Variants in BDP1 observed in about 807,000 individuals in gnomAD.
BDP1 encodes the protein BDP1 general transcription factor IIIB subunit, also known as transcription factor TFIIIB component B'' homolog.
In BDP1, 169 loss-of-function variants were observed where a neutral mutation model predicts 266.6. That is an observed-to-expected ratio of 0.63 (90% CI 0.56 to 0.72). BDP1 has a LOEUF of 0.72. Ranked by LOEUF, BDP1 falls within the 30% of genes least tolerant of loss-of-function variation. The pLI is 0.00. For missense variants in BDP1, 3,015 were observed against 3,053.8 expected (o/e 0.99, Z 0.30); for synonymous variants, 1,090 against 1,022.4 (o/e 1.07, Z -1.26).
intron 34 of BDP1, 32 bp downstream of exon 34, chr5:71,549,638 A>T: frequency 6.4e-7 from 1 of 1,553,644 alleles, no homozygotes; most frequent in Non-Finnish European, 8.7e-7. Context: ...TTTTGCTAGG[A>T]GGAAAAGTGA....
At chr5:71,543,113 C>T (rs1173854119) in intron 30 of BDP1, among the ~76,000 whole-genome samples, 1 of 152,088 alleles carries the variant, frequency 6.6e-6, no homozygotes, top group Non-Finnish European at 1.5e-5. Context: ...AAAATCCCAT[C>T]TCTACAAAAG....
intron 7 of BDP1, among the ~76,000 whole-genome samples, chr5:71,481,225 A>T (rs1391466665): frequency 6.6e-6 from 1 of 151,050 alleles, no homozygotes; most frequent in Non-Finnish European, 1.5e-5. Flanking sequence ...TGTGTTGTAG[A>T]GTGTCTGGAT....
At chr5:71,554,782 T>C (rs1291360112) in intron 35 of BDP1, among the ~76,000 whole-genome samples, 1 of 152,208 alleles carries the variant, frequency 6.6e-6, no homozygotes, top group Admixed American at 6.5e-5. Context: ...TAAAAATTGC[T>C]TTTACTAGTT....
intron 12 of BDP1, among the ~76,000 whole-genome samples, chr5:71,496,213 G>T (rs1002107873): frequency 1.4e-5 from 2 of 144,566 alleles, no homozygotes; most frequent in African/African-American, 5.2e-5. Flanking sequence ...CTGCACTCCA[G>T]CCTGGGCGAC....
Position 71,510,204 on chromosome 5 carries a change from G to C in BDP1, c.3112G>C (p.Glu1038Gln). The part of the protein sequence containing the change: ...VIDATEEIDL[E>Q]ETEREVSPQE... ...TGATGCTACTGAGGAAATAGATTTG[G>C]AAGAAACTGAAAGAGAAGTATCCCC... The change falls in exon 17 of 39, where the codon GAA becomes CAA. Residue 1038 changes from glutamate to glutamine, a missense_variant. This residue lies in a region of BDP1 where 2,383 missense variants were observed against 2,404.9 expected (regional missense o/e 0.99). Transcript: ENST00000358731. 1 of 1,613,962 alleles carries C rather than the reference G, an allele frequency of 6.2e-7. No homozygotes were observed. The highest frequency in any genetic ancestry group is 8.5e-7 in the Non-Finnish European group (1 of 1,179,970).
At position 71,513,372 on chromosome 5, in the gene BDP1, A is replaced by C. The variant is rs781411956; in HGVS notation, c.4435A>C (p.Asn1479His). The stretch of plus-strand genomic sequence containing the variant: ...AATGGAGACTATTGTGATGCAAGAA[A>C]ATAATGAACAAACTGATACTCTCCC... ...KKMETIVMQE[N>H]NEQTDTLPSQ... is the part of the protein sequence containing the mutation. Residue 1479 changes from asparagine to histidine, a missense_variant, in exon 19 of 39, where the codon AAT becomes CAT. Asn to His is a moderately conservative substitution (Grantham distance 68, BLOSUM62 1). Transcript: ENST00000358731. 2.5e-6 allele frequency: 4 copies of C among 1,595,700 alleles called. No homozygotes were observed. In the South Asian group the frequency reaches 4.6e-5, roughly 18 times the overall value.
intron 4 of BDP1, among the ~76,000 whole-genome samples, chr5:71,464,843 C>T (rs1008602915): frequency 6.0e-5 from 9 of 150,736 alleles, no homozygotes; most frequent in Admixed American, 1.3e-4. Flanking sequence ...CTCAGCCTCC[C>T]GAGCAGCTGG....
chr5:71,493,178 G>C lies in BDP1; in HGVS notation c.1640+2047G>C, dbSNP rs146175436. Among the ~76,000 whole-genome samples the C allele has an allele frequency of 3.5e-3, 526 of 152,332 alleles. 3 individuals carry two copies. The highest frequency in any genetic ancestry group is 0.012 in the African/African-American group (496 of 41,574). The stretch of plus-strand genomic sequence containing the variant: ...CATAGTTGTTTGTTCCTAGGTGACA[G>C]ATAATCTAAAGTGTGAGTTCAGAGA... On this transcript the variant is annotated intron_variant, in intron 11 of 38. Transcript: ENST00000358731.
intron 35 of BDP1, among the ~76,000 whole-genome samples, chr5:71,555,203 G>A (rs1382628292): frequency 2.0e-5 from 3 of 152,078 alleles, no homozygotes; most frequent in Non-Finnish European, 1.5e-5. Context: ...GATTTGTTGC[G>A]AATTTGATTT....
In BDP1 at chr5:71,489,665, A is replaced by T; in HGVS notation, c.1475A>T (p.Lys492Ile). 1 of 1,606,756 alleles carries T rather than the reference A, an allele frequency of 6.2e-7. No homozygotes were observed. The highest frequency in any genetic ancestry group is 2.2e-5 in the East Asian group (1 of 44,842). ...GCCACTGTTCAGGCGGGTCCTTCTA[A>T]AGGAGAAAAACACAAGAGTAAGTTT... is the stretch of plus-strand genomic sequence containing the variant. Reference protein sequence around the residue: ...ENATVQAGPSKGEKHKNKCQA... With the variant: ...ENATVQAGPSIGEKHKNKCQA... Residue 492 changes from lysine (K) to isoleucine (I), a missense_variant, in exon 10 of 39, where the codon AAA becomes ATA. By Grantham distance (102) the Lys-to-Ile change is moderately radical (BLOSUM62 -3). Around this residue, in one of 3 missense-constraint regions of BDP1, gnomAD observed 2,383 missense variants for 2,404.9 expected, o/e 0.99. Transcript: ENST00000358731.
At chr5:71,562,147 G>A (rs1385025251) in intron 37 of BDP1, 127 bp from the exon 38 acceptor site, 11 of 837,928 alleles carry the variant, frequency 1.3e-5, no homozygotes, top group South Asian at 3.9e-5. Context: ...GCAGTGAGCC[G>A]AGATTGCGCC....
intron 5 of BDP1, among the ~76,000 whole-genome samples, chr5:71,466,567 C>T (rs185611799): frequency 3.9e-5 from 6 of 152,156 alleles, no homozygotes; most frequent in Admixed American, 2.6e-4. Context: ...TATTCAAGTT[C>T]TCATATTATT....
At chr5:71,536,566 G>A (rs536062434) in intron 26 of BDP1, among the ~76,000 whole-genome samples, 102 of 152,248 alleles carry the variant, frequency 6.7e-4, no homozygotes, top group African/African-American at 2.3e-3. Context: ...GCCCAGGCGC[G>A]GTGGCTCATG....
chr5:71,486,956 T>C (rs1431285856), intron 9 of BDP1, among the ~76,000 whole-genome samples: 1 of 152,162 alleles, frequency 6.6e-6, no homozygotes, highest in African/African-American at 2.4e-5. Context: ...ACAAATCTGG[T>C]ATAAAATTCT....
At position 71,502,856 on chromosome 5, in the gene BDP1, C is replaced by A. The variant is rs1383256111; in HGVS notation, c.2241+65C>A. ...GTACATGAGCCTTAATATAAGCTTC[C>A]CTTCACCCACATACTTACATACATA... On this transcript the variant is annotated intron_variant, in intron 15 of 38. Transcript: ENST00000358731. 6 of 1,211,212 alleles carry A rather than the reference C, an allele frequency of 5.0e-6. No homozygotes were observed. The East Asian group carries it at 1.2e-4, about 24-fold the overall frequency. 75.0% of individuals were successfully genotyped at this position (1,211,212 alleles called of 1,614,324 possible). A position where few individuals can be genotyped will look rare whatever the true frequency, so the allele number is the denominator to read the frequency against.
chr5:71,482,530 A>T (rs532639724), intron 7 of BDP1, among the ~76,000 whole-genome samples: 1 of 152,176 alleles, frequency 6.6e-6, no homozygotes, highest in Non-Finnish European at 1.5e-5. Context: ...AAATTATGGG[A>T]TTTATTTTGT....
At position 71,540,391 on chromosome 5, in the gene BDP1, G is replaced by A. The variant is rs866335290; in HGVS notation, c.6022+742G>A. ...CACCCAGGCTGGAGTGCAATGGTGC[G>A]ATCTTGGCTCACTGCAACCTCTGCC... On this transcript the variant is annotated intron_variant, in intron 28 of 38. Coordinates refer to ENST00000358731, the MANE Select transcript of BDP1 (RefSeq NM_018429.3). Among the ~76,000 whole-genome samples the A allele has an allele frequency of 6.6e-5, 10 of 152,168 alleles. No individual in the cohort carries two copies. The South Asian group carries it at 1.9e-3, about 28-fold the overall frequency.
intron 32 of BDP1, 81 bp downstream of exon 32, chr5:71,545,300 T>A: frequency 4.9e-6 from 6 of 1,223,104 alleles, no homozygotes; most frequent in Non-Finnish European, 7.0e-6. Flanking sequence ...TTACATACAA[T>A]AAACTTCACC....
In BDP1 at chr5:71,468,966, G is replaced by A. The variant is rs554192304; in HGVS notation, c.920-1429G>A. On this transcript the variant is annotated intron_variant, in intron 6 of 38. Coordinates refer to ENST00000358731, the MANE Select transcript of BDP1 (RefSeq NM_018429.3). ...ACCTCAGATAATATTGTATAATAAA[G>A]CTTCTATAGATAAATATGCTGTTAA... Among the ~76,000 whole-genome samples, 54 of 152,212 alleles carry A rather than the reference G, an allele frequency of 3.5e-4. 1 individual carries two copies. The highest frequency in any genetic ancestry group is 1.2e-3 in the African/African-American group (50 of 41,530).
Sources: allele counts gnomAD v4.1 joint callset (sites outside exome capture counted in the v4.1 genomes callset), GRCh38; gene constraint gnomAD v4.1.1; regional missense constraint gnomAD v4.1.1; transcripts MANE v1.5; gene names NCBI Gene and HGNC (gene_info 2026-07-23, HGNC 2026-07-21).